RGL1: variants seen among roughly 807,000 people sequenced by gnomAD.
The protein encoded by RGL1 is ral guanine nucleotide dissociation stimulator-like 1.
A neutral mutation model predicts 95.2 loss-of-function variants in RGL1; 24 were observed. The observed-to-expected ratio is 0.25, with a 90% CI of 0.18 to 0.35. The LOEUF is 0.35. Ranked by LOEUF, RGL1 falls within the 10% of genes least tolerant of loss-of-function variation. The pLI is 1.00. For synonymous variants in RGL1, 329 were observed against 344.9 expected, an observed-to-expected ratio of 0.95 and a Z score of 0.51; for missense variants, 715 against 936.3, an observed-to-expected ratio of 0.76 and a Z score of 3.08.
intron 2 of RGL1, among the ~76,000 whole-genome samples, chr1:183,827,419 G>A (rs1489451478): frequency 6.6e-6 from 1 of 152,188 alleles, no homozygotes; most frequent in African/African-American, 2.4e-5. Flanking sequence ...CTTAAAAACT[G>A]TTAAACTGGA....
exon 1 of RGL1, chr1:183,636,162 G>A (rs1649515811): frequency 5.0e-6 from 2 of 399,590 alleles, no homozygotes; most frequent in South Asian, 1.2e-4. Context: ...TGCTGCAGCC[G>A]TCAACGACCT....
intron 1 of RGL1, among the ~76,000 whole-genome samples, 154 bp downstream of exon 1, chr1:183,805,478 T>C (rs1187735724): frequency 6.6e-6 from 1 of 152,228 alleles, no homozygotes; most frequent in African/African-American, 2.4e-5. Flanking sequence ...TGTATTCCTC[T>C]CTCTCTGCGT....
intron 1 of RGL1, among the ~76,000 whole-genome samples, chr1:183,665,816 T>A (rs1424738690): frequency 1.3e-5 from 2 of 152,150 alleles, no homozygotes; most frequent in Non-Finnish European, 2.9e-5. Flanking sequence ...ATTTTATTGA[T>A]CTAAAGAAAA....
chr1:183,803,294 T>C (rs1661092475), upstream of RGL1, among the ~76,000 whole-genome samples: 1 of 152,236 alleles, frequency 6.6e-6, no homozygotes, highest in Non-Finnish European at 1.5e-5. Flanking sequence ...GGAATTTTTT[T>C]GGATCACTTA....
intron 2 of RGL1, among the ~76,000 whole-genome samples, chr1:183,763,263 A>G (rs1658799226): frequency 6.6e-6 from 1 of 152,194 alleles, no homozygotes; most frequent in Non-Finnish European, 1.5e-5. Context: ...GGGGAGAAAT[A>G]GCATTAGGAG....
At chr1:183,898,713 T>A (rs1197346688) in intron 10 of RGL1, among the ~76,000 whole-genome samples, 1 of 152,234 alleles carries the variant, frequency 6.6e-6, no homozygotes, top group Non-Finnish European at 1.5e-5. Context: ...TAAAAATAGC[T>A]GTTACCAAAA....
chr1:183,888,663 C>T, intron 8 of RGL1, 86 bp downstream of exon 8: 1 of 792,272 alleles, frequency 1.3e-6, no homozygotes, highest in Non-Finnish European at 2.2e-6. Context: ...GCTTGTATCG[C>T]ATAACTAGAG....
intron 12 of RGL1, 125 bp downstream of exon 12, chr1:183,902,725 A>C (rs776474687): frequency 9.8e-6 from 8 of 820,136 alleles, no homozygotes; most frequent in Non-Finnish European, 1.5e-5. Flanking sequence ...TTTATCATAT[A>C]CCATTTTGCT....
upstream of RGL1, among the ~76,000 whole-genome samples, chr1:183,803,231 T>C (rs1281953218): frequency 6.6e-6 from 1 of 152,232 alleles, no homozygotes; most frequent in Non-Finnish European, 1.5e-5. Flanking sequence ...TAACACGCTT[T>C]TCACTGAGTC....
chr1:183,813,837 T>G (rs988427488), intron 2 of RGL1, among the ~76,000 whole-genome samples: 2 of 152,234 alleles, frequency 1.3e-5, no homozygotes, highest in African/African-American at 4.8e-5. Flanking sequence ...TTCAGTAAGA[T>G]AGAATGCTTC....
chr1:183,805,947 T>A (rs1661266779), intron 1 of RGL1, among the ~76,000 whole-genome samples: 1 of 148,766 alleles, frequency 6.7e-6, no homozygotes, highest in South Asian at 2.1e-4. Context: ...TTTTCTTTTT[T>A]TCTTTTTCTT....
At position 183,699,363 on chromosome 1, in the gene RGL1, C is replaced by T. The variant is rs55806767; in HGVS notation, c.-32-42763C>T. Among the ~76,000 whole-genome samples the T allele has an allele frequency of 8.4e-3, 1,285 of 152,266 alleles. 18 individuals carry two copies. Among genetic ancestry groups the T allele is most frequent in the African/African-American group, 0.029 (1,219 of 41,540 alleles). ...GGCTTGTTCCAAAATTGCTCCAGGT[C>T]GTAGACTTGGACTTTAACTCCATCT... On this transcript the variant is annotated intron_variant, in intron 1 of 18. Transcript: ENST00000304685.
intron 2 of RGL1, among the ~76,000 whole-genome samples, chr1:183,837,988 C>T (rs1663785250): frequency 6.6e-6 from 1 of 152,184 alleles, no homozygotes; most frequent in African/African-American, 2.4e-5. Context: ...TCACCTGCTG[C>T]TGTGAGGCCC....
intron 1 of RGL1, among the ~76,000 whole-genome samples, chr1:183,725,652 T>A (rs2148620): frequency 0.47 from 71,141 of 152,038 alleles, 17,504 homozygotes; most frequent in East Asian, 0.8. Flanking sequence ...GTATTCACCT[T>A]ATAACTAAAC....
chr1:183,667,096 G>C (rs891007113), intron 1 of RGL1, among the ~76,000 whole-genome samples: 10 of 152,152 alleles, frequency 6.6e-5, no homozygotes, highest in Non-Finnish European at 1.3e-4. Flanking sequence ...ATTTGGTAAT[G>C]CTTCTCTTTA....
intron 2 of RGL1, among the ~76,000 whole-genome samples, chr1:183,818,941 C>T (rs1229966239): frequency 6.6e-6 from 1 of 152,182 alleles, no homozygotes; most frequent in African/African-American, 2.4e-5. Context: ...CTACACATTT[C>T]ATGATTGTAT....
intron 4 of RGL1, among the ~76,000 whole-genome samples, chr1:183,872,736 TA>T (rs1205460579): frequency 6.6e-6 from 1 of 152,186 alleles, no homozygotes; most frequent in Non-Finnish European, 1.5e-5. Context: ...AGTGGAAAGT[TA>T]AAAAATCTTC....
In RGL1 at chr1:183,669,367, T is replaced by G. The variant is rs1380792280; in HGVS notation, c.-33+32866T>G. 3.9e-5 allele frequency among the ~76,000 whole-genome samples: 6 copies of G among 152,246 alleles called. No individual in the cohort carries two copies. In the South Asian group the frequency reaches 1.2e-3, roughly 31 times the overall value. On this transcript the variant is annotated intron_variant, in intron 1 of 18. Transcript: ENST00000304685. ...GATTTCTTTTTTGCTTTTAGAATTT[T>G]CATGTTTCTGTTTACATTATATACC...
At chr1:183,814,116 G>T (rs892853408) in intron 2 of RGL1, among the ~76,000 whole-genome samples, 17 of 152,170 alleles carry the variant, frequency 1.1e-4, no homozygotes, top group Admixed American at 5.2e-4. Context: ...AACAGAGGAA[G>T]AAAGGAAGGA....
Sources: allele counts gnomAD v4.1 joint callset (sites outside exome capture counted in the v4.1 genomes callset), GRCh38; gene constraint gnomAD v4.1.1; transcripts MANE v1.5; gene names NCBI Gene and HGNC (gene_info 2026-07-23, HGNC 2026-07-21).